GBE1: variants seen among roughly 807,000 people sequenced by gnomAD.
The protein encoded by GBE1 is 1,4-alpha-glucan-branching enzyme.
GBE1 carries 70 observed loss-of-function variants against 88.8 expected under a neutral mutation model. That is an observed-to-expected ratio of 0.79 (90% CI 0.65 to 0.96). The LOEUF is 0.96. Among genes scored for constraint, GBE1 ranks in the 40% least tolerant of loss-of-function variants. The probability of loss-of-function intolerance (pLI) is 0.00; values close to 1 mark genes in which losing one functional copy is unlikely to be tolerated. For missense variants in GBE1, 872 were observed against 871.0 expected (o/e 1.00, Z -0.01); for synonymous variants, 284 against 300.1 (o/e 0.95, Z 0.56).
In GBE1 at chr3:81,657,817, A is replaced by C. The variant is rs187187638; in HGVS notation, c.430-7896T>G. ...TTCATAGTTTTCAATTAATCAAATA[A>C]ACTTATATAAGACATATGCATATAA... On this transcript the variant is annotated intron_variant, in intron 3 of 15. Transcript: ENST00000429644. Among the ~76,000 whole-genome samples, 282 of 152,254 alleles carry C rather than the reference A, an allele frequency of 1.9e-3. 1 individual carries two copies. Among genetic ancestry groups the C allele is most frequent in the African/African-American group, 6.3e-3 (260 of 41,572 alleles).
chr3:81,519,513 C>A lies in GBE1; in HGVS notation c.1934+15682G>T, dbSNP rs527846516. 3.3e-5 allele frequency among the ~76,000 whole-genome samples: 5 copies of A among 151,382 alleles called. No homozygotes were observed. The South Asian group carries it at 6.2e-4, about 19-fold the overall frequency. ...TGATAAATAATTTAAACATTTGATTCTTGTGTTGTTTATGGTCTCAGAATG... is the reference window on the plus strand; with the variant it reads ...TGATAAATAATTTAAACATTTGATTATTGTGTTGTTTATGGTCTCAGAATG... On this transcript the variant is annotated intron_variant, in intron 14 of 15. Transcript: ENST00000429644.
intron 1 of GBE1, among the ~76,000 whole-genome samples, chr3:81,723,350 C>T (rs1440096868): frequency 1.3e-5 from 2 of 151,618 alleles, no homozygotes; most frequent in Non-Finnish European, 2.9e-5. Flanking sequence ...ATCCGCCCGC[C>T]TCAGCCTCCC....
intron 10 of GBE1, among the ~76,000 whole-genome samples, chr3:81,585,670 A>T (rs1228067697): frequency 6.6e-6 from 1 of 152,216 alleles, no homozygotes; most frequent in Non-Finnish European, 1.5e-5. Context: ...GATGAATCCA[A>T]TCCAAATTTG....
At chr3:81,727,841 T>A (rs1482279334) in intron 1 of GBE1, among the ~76,000 whole-genome samples, 2 of 152,176 alleles carry the variant, frequency 1.3e-5, no homozygotes, top group African/African-American at 4.8e-5. Flanking sequence ...TTCTCATAAT[T>A]CCAGCCTGTC....
intron 14 of GBE1, among the ~76,000 whole-genome samples, chr3:81,528,471 T>C (rs1702974760): frequency 6.6e-6 from 1 of 152,076 alleles, no homozygotes; most frequent in Non-Finnish European, 1.5e-5. Context: ...GGATGAAATG[T>C]TCTGTAAATA....
chr3:81,546,551 C>T (rs1012261452), intron 12 of GBE1, among the ~76,000 whole-genome samples: 2 of 151,158 alleles, frequency 1.3e-5, no homozygotes, highest in African/African-American at 4.8e-5. Flanking sequence ...AAACAGATTG[C>T]AGTAAAGAAG....
rs1212844791 is a variant in GBE1 at position 81,498,216 on chromosome 3, G to A, written c.2052+894C>T. ...TATATAATATGGCAGCTTACAAAGT[G>A]GAGTGCTGGCATCACTCTGAGAAGT... On this transcript the variant is annotated intron_variant, in intron 15 of 15. Transcript: ENST00000429644. Among the ~76,000 whole-genome samples the A allele has an allele frequency of 4.6e-5, 7 of 152,240 alleles. 1 individual carries two copies. The highest frequency in any genetic ancestry group is 8.8e-5 in the Non-Finnish European group (6 of 68,018).
chr3:81,630,812 A>G (rs944843875), intron 7 of GBE1, among the ~76,000 whole-genome samples: 1 of 152,236 alleles, frequency 6.6e-6, no homozygotes, highest in Non-Finnish European at 1.5e-5. Context: ...ACATGTAATC[A>G]GTAGAGTTAA....
At chr3:81,678,712 C>T (rs1341722106) in intron 2 of GBE1, among the ~76,000 whole-genome samples, 7 of 151,922 alleles carry the variant, frequency 4.6e-5, no homozygotes, top group African/African-American at 1.7e-4. Flanking sequence ...GGATTGTACT[C>T]ATTATATTTT....
chr3:81,538,635 G>C (rs1459209006), intron 12 of GBE1, among the ~76,000 whole-genome samples: 1 of 151,990 alleles, frequency 6.6e-6, no homozygotes, highest in Non-Finnish European at 1.5e-5. Flanking sequence ...CGATGGCACA[G>C]CTTACTCCTT....
chr3:81,761,554 T>C lies in GBE1; in HGVS notation c.-37A>G. 1 of 1,440,634 alleles carries C rather than the reference T, an allele frequency of 6.9e-7. No individual in the cohort carries two copies. The highest frequency in any genetic ancestry group is 1.2e-5 in the South Asian group (1 of 80,906). 89.2% of individuals were successfully genotyped at this position (1,440,634 alleles called of 1,614,324 possible). On this transcript the variant is annotated 5_prime_UTR_variant, in exon 1 of 16. Transcript: ENST00000429644. ...GTCCAAGTAGCCGAGGCCCGAGAGG[T>C]CGAGTGGGGCCTGAGCGGGCGCTGG...
chr3:81,558,952 C>G (rs1463154535), intron 12 of GBE1, among the ~76,000 whole-genome samples: 1 of 151,954 alleles, frequency 6.6e-6, no homozygotes, highest in Non-Finnish European at 1.5e-5. Context: ...TTTGCCCAGG[C>G]AATTCTTGCC....
chr3:81,603,326 A>C (rs1423653669), intron 7 of GBE1, among the ~76,000 whole-genome samples: 1 of 152,166 alleles, frequency 6.6e-6, no homozygotes, highest in African/African-American at 2.4e-5. Flanking sequence ...AAAATTAAGC[A>C]TTTGTAATAT....
intron 2 of GBE1, among the ~76,000 whole-genome samples, chr3:81,702,792 AT>A (rs1428620479): frequency 6.6e-6 from 1 of 152,092 alleles, no homozygotes; most frequent in Admixed American, 6.6e-5. Flanking sequence ...TTTACAAAAC[AT>A]TTTTTTAATT....
At chr3:81,514,316 G>A (rs1702765019) in intron 14 of GBE1, among the ~76,000 whole-genome samples, 1 of 151,364 alleles carries the variant, frequency 6.6e-6, no homozygotes, top group East Asian at 1.9e-4. Flanking sequence ...ATCATTGTGT[G>A]ACAATAAAAC....
At chr3:81,551,972 A>C (rs1036262245) in intron 12 of GBE1, among the ~76,000 whole-genome samples, 3 of 152,202 alleles carry the variant, frequency 2.0e-5, no homozygotes, top group Non-Finnish European at 4.4e-5. Flanking sequence ...TGCTGGGTCC[A>C]TACCCTCACT....
chr3:81,612,233 A>AAAAC (rs1345555817), intron 7 of GBE1: 9 of 500,974 alleles, frequency 1.8e-5, no homozygotes, highest in Non-Finnish European at 2.9e-5. Flanking sequence ...AAAAAAAAAA[A>AAAAC]AAAAAAAAAA....
intron 12 of GBE1, among the ~76,000 whole-genome samples, chr3:81,538,147 C>A (rs959885887): frequency 2.0e-5 from 3 of 151,840 alleles, no homozygotes; most frequent in African/African-American, 7.2e-5. Flanking sequence ...CCGCAAATTT[C>A]TAATTAATTT....
chr3:81,710,320 C>T (rs1435528547), intron 1 of GBE1, among the ~76,000 whole-genome samples: 2 of 139,434 alleles, frequency 1.4e-5, no homozygotes, highest in Admixed American at 7.5e-5. Context: ...CTACAAGCTC[C>T]GCCTCCCAGG....
Sources: gnomAD v4.1 joint callset for allele counts (sites outside exome capture counted in the v4.1 genomes callset) on GRCh38, gnomAD v4.1.1 for gene constraint, MANE v1.5 for transcripts, NCBI Gene and HGNC (gene_info 2026-07-23, HGNC 2026-07-21) for gene names.